Variants in RIMS2 observed in about 807,000 individuals in gnomAD.
RIMS2 encodes regulating synaptic membrane exocytosis protein 2.
In RIMS2, 59 loss-of-function variants were observed where a neutral mutation model predicts 174.4. The ratio of observed to expected loss-of-function variants is 0.34; its 90% CI spans 0.27 to 0.42. RIMS2 has a LOEUF of 0.42. RIMS2 is among the 10% of genes least tolerant of loss of function. The probability of loss-of-function intolerance (pLI) is 1.00; values close to 1 mark genes in which losing one functional copy is unlikely to be tolerated. For synonymous variants in RIMS2, 606 were observed against 572.5 expected (o/e 1.06, Z -0.84); for missense variants, 1,620 against 1,666.3 (o/e 0.97, Z 0.48).
rs994430325 is a variant in RIMS2 at position 103,550,362 on chromosome 8, A to G, written c.176+49300A>G. On this transcript the variant is annotated intron_variant, in intron 1 of 23. Coordinates refer to ENST00000504942, the Ensembl canonical transcript of RIMS2. The stretch of plus-strand genomic sequence containing the variant: ...AACCTGTCCTGAATGGCCCCTGGGT[A>G]CCATAATGAAATGAAGGCAGAAATA... Among the ~76,000 whole-genome samples the G allele has an allele frequency of 2.6e-5, 4 of 152,118 alleles. No homozygotes were observed. In the South Asian group the frequency reaches 6.2e-4, roughly 24 times the overall value.
chr8:104,135,643 G>A (rs533129729), intron 19 of RIMS2, among the ~76,000 whole-genome samples: 1 of 147,066 alleles, frequency 6.8e-6, no homozygotes, highest in Admixed American at 6.9e-5. Context: ...AAAGAATGCT[G>A]AAATGTTGAG....
chr8:104,046,741 A>T (rs1378439895), intron 19 of RIMS2, among the ~76,000 whole-genome samples: 1 of 152,076 alleles, frequency 6.6e-6, no homozygotes, highest in African/African-American at 2.4e-5. Flanking sequence ...AAAGACAGAG[A>T]TACTCATGAT....
intron 1 of RIMS2, among the ~76,000 whole-genome samples, chr8:103,653,692 G>T (rs1476064527): frequency 1.4e-5 from 2 of 145,782 alleles, no homozygotes; most frequent in Admixed American, 1.3e-4. Context: ...TATTGATGAG[G>T]ATAATCTCAT....
intron 14 of RIMS2, among the ~76,000 whole-genome samples, chr8:103,952,809 C>T (rs1451484479): frequency 1.3e-5 from 2 of 152,106 alleles, no homozygotes; most frequent in Non-Finnish European, 2.9e-5. Flanking sequence ...TAATAACAAA[C>T]TCCTCCAAGC....
At chr8:103,897,056 A>T (rs77380735) in intron 4 of RIMS2, among the ~76,000 whole-genome samples, 1 of 151,474 alleles carries the variant, frequency 6.6e-6, no homozygotes, top group Non-Finnish European at 1.5e-5. Flanking sequence ...AGCATGATAC[A>T]TACATCTTTT....
At chr8:103,988,596 A>T (rs1243281848) in intron 16 of RIMS2, among the ~76,000 whole-genome samples, 1 of 152,110 alleles carries the variant, frequency 6.6e-6, no homozygotes, top group African/African-American at 2.4e-5. Flanking sequence ...AGTAGCTGGG[A>T]TTGCAGGCAT....
chr8:104,189,582 T>TTATA (rs34057466), intron 19 of RIMS2, among the ~76,000 whole-genome samples: 2,432 of 145,194 alleles, frequency 0.017, 33 homozygotes, highest in Middle Eastern at 0.058. Context: ...AATATATACA[T>TTATA]TATATATATA....
chr8:103,607,054 C>T (rs1236032952), intron 1 of RIMS2, among the ~76,000 whole-genome samples: 1 of 151,442 alleles, frequency 6.6e-6, no homozygotes, highest in Non-Finnish European at 1.5e-5. Flanking sequence ...ATGATGTTAG[C>T]TGGTTATTTT....
intron 3 of RIMS2, among the ~76,000 whole-genome samples, chr8:103,791,833 C>G (rs190694470): frequency 6.6e-6 from 1 of 152,118 alleles, no homozygotes; most frequent in Admixed American, 6.6e-5. Context: ...AAGGCCATTA[C>G]ATAATGGTAA....
intron 1 of RIMS2, among the ~76,000 whole-genome samples, chr8:103,511,347 G>A (rs1400430118): frequency 6.6e-6 from 1 of 152,100 alleles, no homozygotes; most frequent in African/African-American, 2.4e-5. Context: ...TTCATATGCA[G>A]TATTTTCATT....
intron 19 of RIMS2, among the ~76,000 whole-genome samples, chr8:104,057,445 T>C (rs1436043154): frequency 6.6e-5 from 10 of 152,148 alleles, no homozygotes; most frequent in Non-Finnish European, 8.8e-5. Context: ...TCAGTTAGTC[T>C]GTTCACTGAA....
rs7824747 is a variant in RIMS2 at position 103,526,666 on chromosome 8, G to T, written c.176+25604G>T. Among the ~76,000 whole-genome samples the T allele has an allele frequency of 4.2e-3, 638 of 152,122 alleles. 4 individuals carry two copies. Among genetic ancestry groups the T allele is most frequent in the African/African-American group, 0.015 (608 of 41,496 alleles). ...AAATGAAATTAAGAACCCATTGAAT[G>T]TATTTAACAGCATTAGATACAGCTG... On this transcript the variant is annotated intron_variant, in intron 1 of 23. Transcript: ENST00000504942.
At chr8:103,526,661 T>A (rs1244290405) in intron 1 of RIMS2, among the ~76,000 whole-genome samples, 1 of 152,108 alleles carries the variant, frequency 6.6e-6, no homozygotes, top group Admixed American at 6.6e-5. Context: ...AAGAACCCAT[T>A]GAATGTATTT....
intron 1 of RIMS2, among the ~76,000 whole-genome samples, chr8:103,635,157 T>G (rs2096044196): frequency 1.3e-5 from 2 of 152,252 alleles, no homozygotes; most frequent in Admixed American, 6.5e-5. Context: ...TGTTTTACAG[T>G]AACAGTGGTC....
chr8:103,587,940 C>A (rs535475000), intron 1 of RIMS2, among the ~76,000 whole-genome samples: 2 of 151,982 alleles, frequency 1.3e-5, no homozygotes, highest in African/African-American at 4.8e-5. Flanking sequence ...TAAAGGATAT[C>A]TAAATTGGAA....
Position 103,786,036 on chromosome 8 carries a change from A to C in RIMS2, c.698+19499A>C, listed in dbSNP as rs1445935390. ...GTCGAGGAATGTATCCATTTCTTCT[A>C]GATTTTCTAGTTTATTTGCGTAGAG... On this transcript the variant is annotated intron_variant, in intron 3 of 23. Transcript: ENST00000504942. Among the ~76,000 whole-genome samples, 4 of 152,258 alleles carry C rather than the reference A, an allele frequency of 2.6e-5. No homozygotes were observed. The East Asian group carries it at 7.7e-4, about 29-fold the overall frequency.
intron 15 of RIMS2, among the ~76,000 whole-genome samples, chr8:103,964,284 G>A (rs1466928592): frequency 6.6e-6 from 1 of 152,162 alleles, no homozygotes; most frequent in Non-Finnish European, 1.5e-5. Flanking sequence ...CAATGAATGA[G>A]AGTTCCTGTT....
chr8:104,068,717 G>T, intron 19 of RIMS2, 105 bp downstream of exon 23: 1 of 633,686 alleles, frequency 1.6e-6, no homozygotes. Flanking sequence ...AACATATAAT[G>T]CCATGGCCCC....
chr8:103,656,330 A>G (rs1168114608), intron 1 of RIMS2, among the ~76,000 whole-genome samples: 2 of 152,140 alleles, frequency 1.3e-5, no homozygotes. Context: ...ATTAAAGGAG[A>G]GAGATGGACT....
Sources: allele counts gnomAD v4.1 joint callset (sites outside exome capture counted in the v4.1 genomes callset), GRCh38; gene constraint gnomAD v4.1.1; transcripts MANE v1.5; gene names NCBI Gene and HGNC (gene_info 2026-07-23, HGNC 2026-07-21).